The following RAB11FIP3 variants were observed in gnomAD, a reference collection of about 807,000 sequenced individuals.
RAB11FIP3 encodes RAB11 family interacting protein 3, also known as rab11 family-interacting protein 3.
Under a neutral mutation model 77.8 loss-of-function variants are expected in RAB11FIP3, and 17 were observed. That is an observed-to-expected ratio of 0.22 (90% CI 0.15 to 0.33). The LOEUF is 0.33. RAB11FIP3 is among the 10% of genes least tolerant of loss of function. The probability of loss-of-function intolerance (pLI) is 1.00; values close to 1 mark genes in which losing one functional copy is unlikely to be tolerated. For missense variants in RAB11FIP3, 1,005 were observed against 1,011.2 expected (o/e 0.99, Z 0.08); for synonymous variants, 437 against 448.2 (o/e 0.98, Z 0.31).
chr16:520,347 G>C (rs1015517960), intron 12 of RAB11FIP3, 70 bp downstream of exon 12: 28 of 1,569,852 alleles, frequency 1.8e-5, no homozygotes, highest in South Asian at 3.5e-5. Flanking sequence ...GGGAAGGGGG[G>C]GCCGTGGAGG....
At chr16:437,570 CAAA>C (rs34184576) in intron 1 of RAB11FIP3, among the ~76,000 whole-genome samples, 7 of 58,990 alleles carry the variant, frequency 1.2e-4, no homozygotes, top group Non-Finnish European at 1.8e-4. Flanking sequence ...AACTCCATCT[CAAA>C]AAAAAAAAAA....
intron 1 of RAB11FIP3, among the ~76,000 whole-genome samples, chr16:433,583 T>C (rs917022658): frequency 1.3e-5 from 2 of 151,532 alleles, no homozygotes; most frequent in Admixed American, 1.3e-4. Flanking sequence ...ATGCGGTGGC[T>C]CACGCCTGTA....
At chr16:436,778 AT>A (rs1171193451) in intron 1 of RAB11FIP3, among the ~76,000 whole-genome samples, 2 of 151,984 alleles carry the variant, frequency 1.3e-5, no homozygotes, top group East Asian at 3.9e-4. Context: ...CCTTATTTTT[AT>A]TTTTCGTAGA....
chr16:509,313 C>T (rs1008944065), intron 8 of RAB11FIP3, among the ~76,000 whole-genome samples: 6 of 152,256 alleles, frequency 3.9e-5, no homozygotes, highest in Non-Finnish European at 7.3e-5. Flanking sequence ...TCTCTGCTCG[C>T]GGAGGCCGCT....
intron 1 of RAB11FIP3, among the ~76,000 whole-genome samples, chr16:458,944 A>G (rs1032174792): frequency 3.9e-5 from 6 of 152,226 alleles, no homozygotes; most frequent in Non-Finnish European, 8.8e-5. Flanking sequence ...CCCCAGTCAC[A>G]GCAACGTGCA....
At chr16:516,034 T>G (rs1331813208) in intron 9 of RAB11FIP3, among the ~76,000 whole-genome samples, 1 of 152,130 alleles carries the variant, frequency 6.6e-6, no homozygotes, top group Non-Finnish European at 1.5e-5. Context: ...CCTGGGAGCG[T>G]GCCTGTCCCG....
chr16:473,204 C>T (rs1455992049), intron 3 of RAB11FIP3, among the ~76,000 whole-genome samples: 1 of 152,198 alleles, frequency 6.6e-6, no homozygotes, highest in East Asian at 1.9e-4. Context: ...CTTAAAGGCC[C>T]ACGTGGTCTG....
rs1280116098 is a variant in RAB11FIP3 at position 492,366 on chromosome 16, C to CGG, written c.1265+3368_1265+3369dup. ...AAGTGCTCTTTGAAGAGGGTCTTCC[C>CGG]GGGAGACCCGAGGCCGCCCAGAGCC... On this transcript the variant is annotated intron_variant, in intron 5 of 13. Transcript: ENST00000262305. Among the ~76,000 whole-genome samples, 96 of 134,256 alleles carry CGG rather than the reference C, an allele frequency of 7.2e-4. 1 individual carries two copies. Among genetic ancestry groups the CGG allele is most frequent in the African/African-American group, 2.3e-3 (82 of 35,278 alleles). 88.1% of individuals were successfully genotyped at this position (134,256 alleles called of 152,430 possible).
intron 9 of RAB11FIP3, 115 bp from the exon 10 acceptor site, chr16:518,828 G>A: frequency 1.0e-6 from 1 of 973,182 alleles, no homozygotes; most frequent in Non-Finnish European, 1.6e-6. Flanking sequence ...GGTCGTTTGG[G>A]GGCGTCTGTT....
intron 1 of RAB11FIP3, among the ~76,000 whole-genome samples, chr16:456,894 A>G (rs1382407956): frequency 6.6e-6 from 1 of 151,916 alleles, no homozygotes; most frequent in Non-Finnish European, 1.5e-5. Context: ...TGTCCGTGCC[A>G]TCGGCAGGTG....
chr16:458,240 G>A (rs1478124529), intron 1 of RAB11FIP3, among the ~76,000 whole-genome samples: 1 of 152,256 alleles, frequency 6.6e-6, no homozygotes, highest in Admixed American at 6.5e-5. Flanking sequence ...TGCCTCCTGG[G>A]CGATGCTATA....
chr16:458,242 G>A (rs926459019), intron 1 of RAB11FIP3, among the ~76,000 whole-genome samples: 1 of 152,232 alleles, frequency 6.6e-6, no homozygotes, highest in Non-Finnish European at 1.5e-5. Flanking sequence ...CCTCCTGGGC[G>A]ATGCTATAGC....
At chr16:500,239 G>A (rs980638333) in intron 6 of RAB11FIP3, among the ~76,000 whole-genome samples, 1 of 152,244 alleles carries the variant, frequency 6.6e-6, no homozygotes, top group African/African-American at 2.4e-5. Flanking sequence ...AGGCCTCAGG[G>A]ATCCCCGTAC....
At position 505,677 on chromosome 16, in the gene RAB11FIP3, CGCCT is replaced by C; in HGVS notation, c.1499+52_1499+55del. 2.1e-6 allele frequency: 3 copies of C among 1,429,544 alleles called. No individual in the cohort carries two copies. Among genetic ancestry groups the C allele is most frequent in the Non-Finnish European group, 2.8e-6 (3 of 1,053,290 alleles). The allele number at this position is 1,429,544 out of a possible 1,614,324, so 88.6% of individuals were successfully genotyped here. ...GCCTCTGCGTGGCGCCTCCTGTGCC[CGCCT>C]GTCAGCCCCCATTTACTTCTCTTTA... is the stretch of plus-strand genomic sequence containing the variant. On this transcript the variant is annotated intron_variant, in intron 8 of 13. Transcript: ENST00000262305. This position sits in a 1 kb window ranked among gnomAD's most constrained non-coding sequence, Gnocchi z 4.0.
At chr16:499,795 CA>C (rs11319631) in intron 6 of RAB11FIP3, among the ~76,000 whole-genome samples, 10,789 of 53,992 alleles carry the variant, frequency 0.2, 256 homozygotes, top group East Asian at 0.35. Context: ...AAGACTGTCT[CA>C]AAAAAAAAAA....
chr16:466,328 G>A (rs560005207), intron 2 of RAB11FIP3, among the ~76,000 whole-genome samples: 22 of 152,316 alleles, frequency 1.4e-4, no homozygotes, highest in African/African-American at 5.3e-4. Context: ...CAGTGGCCCC[G>A]GGTACCATGA....
At chr16:483,373 GC>G (rs2056085423) in intron 4 of RAB11FIP3, among the ~76,000 whole-genome samples, 1 of 152,190 alleles carries the variant, frequency 6.6e-6, no homozygotes, top group Admixed American at 6.5e-5. Flanking sequence ...TGTAGTTCAG[GC>G]CATGGTTAGG....
rs115808445 is a variant in RAB11FIP3, at chr16:458,715, T to A, written c.715-2689T>A. 2.8e-3 allele frequency among the ~76,000 whole-genome samples: 418 copies of A among 151,434 alleles called. 7 individuals carry two copies. Among genetic ancestry groups the A allele is most frequent in the African/African-American group, 9.7e-3 (395 of 40,704 alleles). On this transcript the variant is annotated intron_variant, in intron 1 of 13. Transcript: ENST00000262305. ...CCAGCCTGTTGCCTCTCCCTGTCCC[T>A]GAGCATTTTCACAGTCCAGCCCGCC... is the stretch of plus-strand genomic sequence containing the variant.
At chr16:467,196 C>T (rs1596235037) in intron 2 of RAB11FIP3, among the ~76,000 whole-genome samples, 1 of 152,176 alleles carries the variant, frequency 6.6e-6, no homozygotes, top group Non-Finnish European at 1.5e-5. Flanking sequence ...GATGGGAAGG[C>T]AGCATCCCAG....
Sources: gnomAD v4.1 joint callset for allele counts (sites outside exome capture counted in the v4.1 genomes callset) on GRCh38, gnomAD v4.1.1 for gene constraint, Gnocchi (gnomAD v3.1) non-coding constraint, MANE v1.5 for transcripts, NCBI Gene and HGNC (gene_info 2026-07-23, HGNC 2026-07-21) for gene names.